ATP8A1: variants seen among roughly 807,000 people sequenced by gnomAD.
ATP8A1 encodes phospholipid-transporting ATPase IA.
A neutral mutation model predicts 177.7 loss-of-function variants in ATP8A1; 90 were observed. That is an observed-to-expected ratio of 0.51 (90% confidence interval 0.43 to 0.60). The LOEUF (loss-of-function observed/expected upper bound fraction) is 0.60, where lower values mean the gene tolerates loss of function less well. ATP8A1 is among the 20% of genes least tolerant of loss of function. The pLI is 0.00. For missense variants in ATP8A1, 1,072 were observed against 1,392.8 expected (o/e 0.77, Z 3.67); for synonymous variants, 493 against 485.9 (o/e 1.01, Z -0.19).
At chr4:42,625,736 A>T (rs759270259) in intron 2 of ATP8A1, 23 bp from the exon 3 acceptor site, 1 of 1,441,838 alleles carries the variant, frequency 6.9e-7, no homozygotes, top group Non-Finnish European at 9.6e-7. Context: ...AATGAAAAGT[A>T]GCATAAAACT....
intron 16 of ATP8A1, among the ~76,000 whole-genome samples, chr4:42,555,214 C>T (rs1310979749): frequency 7.9e-6 from 1 of 125,942 alleles, no homozygotes; most frequent in Non-Finnish European, 1.8e-5. Flanking sequence ...AGTTCTGCCC[C>T]CCCCTAGAGA....
chr4:42,458,886 C>T (rs1380954967), intron 27 of ATP8A1, among the ~76,000 whole-genome samples: 1 of 152,202 alleles, frequency 6.6e-6, no homozygotes, highest in East Asian at 1.9e-4. Context: ...AATGAGTCCT[C>T]TGCTCCCACG....
At chr4:42,445,067 A>G (rs1717066345) in intron 31 of ATP8A1, among the ~76,000 whole-genome samples, 1 of 152,266 alleles carries the variant, frequency 6.6e-6, no homozygotes. Flanking sequence ...TGAATAAAAT[A>G]ACCAGACATT....
At chr4:42,567,217 T>C (rs1254229013) in intron 15 of ATP8A1, among the ~76,000 whole-genome samples, 1 of 152,206 alleles carries the variant, frequency 6.6e-6, no homozygotes, top group Non-Finnish European at 1.5e-5. Context: ...ACTTATTTTA[T>C]AGATGGAGAA....
At chr4:42,435,901 G>A (rs1715940219) in intron 33 of ATP8A1, among the ~76,000 whole-genome samples, 1 of 152,110 alleles carries the variant, frequency 6.6e-6, no homozygotes, top group South Asian at 2.1e-4. Flanking sequence ...TTATCACTTT[G>A]TCAAATTATC....
At chr4:42,499,261 C>G (rs1723578831) in intron 24 of ATP8A1, among the ~76,000 whole-genome samples, 1 of 152,126 alleles carries the variant, frequency 6.6e-6, no homozygotes, top group Admixed American at 6.5e-5. Flanking sequence ...ATTTATGTCT[C>G]CAAACATCAT....
intron 15 of ATP8A1, among the ~76,000 whole-genome samples, chr4:42,568,076 C>T (rs962934233): frequency 2.6e-5 from 4 of 152,128 alleles, no homozygotes; most frequent in African/African-American, 9.7e-5. Flanking sequence ...GAATTATCCA[C>T]TAATAGTAAG....
At chr4:42,457,145 T>C (rs1260673683) in intron 27 of ATP8A1, among the ~76,000 whole-genome samples, 1 of 152,208 alleles carries the variant, frequency 6.6e-6, no homozygotes, top group Non-Finnish European at 1.5e-5. Flanking sequence ...GCTACACATA[T>C]TTATGGAAAA....
chr4:42,532,123 G>C (rs567089338), intron 20 of ATP8A1, among the ~76,000 whole-genome samples: 1 of 151,346 alleles, frequency 6.6e-6, no homozygotes, highest in African/African-American at 2.4e-5. Flanking sequence ...CACACACACA[G>C]ACACAGACAC....
chr4:42,639,804 C>T (rs1739780584), intron 1 of ATP8A1, among the ~76,000 whole-genome samples: 1 of 152,114 alleles, frequency 6.6e-6, no homozygotes, highest in Non-Finnish European at 1.5e-5. Flanking sequence ...GGATTGGTTC[C>T]AAGACCCCTT....
rs542364787 is a variant in ATP8A1 at position 42,452,836 on chromosome 4, T to G, written c.2818-777A>C. ...TAGTTTTGTCATTTAAAAGTGCTTC[T>G]TGCAAACAAAACTTATGCTAAATAA... On this transcript the variant is annotated intron_variant, in intron 29 of 36. Transcript: ENST00000381668. Among the ~76,000 whole-genome samples the G allele has an allele frequency of 1.5e-4, 23 of 152,340 alleles. No individual in the cohort carries two copies. In the South Asian group the frequency reaches 4.8e-3, roughly 32 times the overall value.
At chr4:42,651,040 G>T (rs1013553840) in intron 1 of ATP8A1, among the ~76,000 whole-genome samples, 2 of 152,274 alleles carry the variant, frequency 1.3e-5, no homozygotes, top group African/African-American at 4.8e-5. Flanking sequence ...TGCTGTTCTT[G>T]TGATAGTGAA....
chr4:42,568,725 A>G (rs1731598683), intron 15 of ATP8A1, among the ~76,000 whole-genome samples: 1 of 152,222 alleles, frequency 6.6e-6, no homozygotes, highest in Non-Finnish European at 1.5e-5. Context: ...GAATAATCGT[A>G]AGAAACACAG....
chr4:42,643,068 C>T (rs942785019), intron 1 of ATP8A1, among the ~76,000 whole-genome samples: 4 of 152,144 alleles, frequency 2.6e-5, no homozygotes, highest in Admixed American at 1.3e-4. Flanking sequence ...GCCAAAAGAA[C>T]GCAGTGATCA....
chr4:42,414,050 C>G (rs71610016), intron 36 of ATP8A1, among the ~76,000 whole-genome samples: 18,660 of 152,268 alleles, frequency 0.12, 1,226 homozygotes, highest in Middle Eastern at 0.18. Flanking sequence ...AGAGCAAAAG[C>G]ATTAGACATG....
At position 42,601,289 on chromosome 4, in the gene ATP8A1, G is replaced by T. The variant is rs538356103; in HGVS notation, c.410-771C>A. ...GACCTCAAGTGATCTGCCTGCCTCA[G>T]CCTCCCAAAGTGCTTGGATTACAGG... On this transcript the variant is annotated intron_variant, in intron 5 of 36. Transcript: ENST00000381668. Among the ~76,000 whole-genome samples, 20 of 151,528 alleles carry T rather than the reference G, an allele frequency of 1.3e-4. No homozygotes were observed. The South Asian group carries it at 3.3e-3, about 25-fold the overall frequency.
At chr4:42,464,633 A>G (rs957580711) in intron 27 of ATP8A1, 57 bp downstream of exon 27, 33 of 1,025,478 alleles carry the variant, frequency 3.2e-5, no homozygotes, top group Non-Finnish European at 4.6e-5. Flanking sequence ...TCCATAAAGA[A>G]AATTTCTTTA....
intron 5 of ATP8A1, among the ~76,000 whole-genome samples, chr4:42,605,247 A>G (rs1735679294): frequency 1.3e-5 from 2 of 152,176 alleles, no homozygotes; most frequent in Admixed American, 1.3e-4. Context: ...TAAAATAGAC[A>G]TCTCAGTTTT....
chr4:42,556,138 A>G (rs1730214414), intron 15 of ATP8A1, 98 bp from the exon 16 acceptor site: 1 of 705,508 alleles, frequency 1.4e-6, no homozygotes, highest in East Asian at 3.1e-5. Context: ...ATGTCTCCAA[A>G]CCCTCAATAA....
Sources: allele counts gnomAD v4.1 joint callset (sites outside exome capture counted in the v4.1 genomes callset), GRCh38; gene constraint gnomAD v4.1.1; transcripts MANE v1.5; gene names NCBI Gene and HGNC (gene_info 2026-07-23, HGNC 2026-07-21).